ROS1: variants seen among roughly 807,000 people sequenced by gnomAD.
ROS1 encodes proto-oncogene tyrosine-protein kinase ROS.
In ROS1, 263 loss-of-function variants were observed where a neutral mutation model predicts 273.5. That is an observed-to-expected ratio of 0.96 (90% CI 0.87 to 1.06). The LOEUF is 1.06. ROS1 is among the 50% of genes least tolerant of loss of function. The pLI, the probability that ROS1 is intolerant of heterozygous loss-of-function variation, is 0.00. For synonymous variants in ROS1, 1,008 were observed against 954.1 expected (o/e 1.06, Z -1.04); for missense variants, 2,833 against 2,751.1 (o/e 1.03, Z -0.67).
At chr6:117,415,091 C>A (rs1021976157) in intron 3 of ROS1, among the ~76,000 whole-genome samples, 1 of 152,194 alleles carries the variant, frequency 6.6e-6, no homozygotes, top group Admixed American at 6.5e-5. Flanking sequence ...CAGACAGCAT[C>A]CTGCCCCAAC....
At chr6:117,335,996 A>C (rs114790094) in intron 32 of ROS1, among the ~76,000 whole-genome samples, 1 of 152,154 alleles carries the variant, frequency 6.6e-6, no homozygotes, top group African/African-American at 2.4e-5. Context: ...AAATATTCTT[A>C]TATGATTACA....
chr6:117,376,729 AAACTATAAAACACTTCTGAG>A (rs1189691446), intron 18 of ROS1, among the ~76,000 whole-genome samples: 2 of 152,174 alleles, frequency 1.3e-5, no homozygotes, highest in Non-Finnish European at 2.9e-5. Context: ...TCTACACTAA[AAACTATAAAACACTTCTGAG>A]AGAAATCAAA....
chr6:117,349,939 C>CAT (rs929934993), intron 27 of ROS1, among the ~76,000 whole-genome samples: 16 of 151,970 alleles, frequency 1.1e-4, no homozygotes, highest in Admixed American at 3.9e-4. Context: ...TAAATATACA[C>CAT]ATATATATAT....
At chr6:117,329,721 G>A (rs1409234815) in intron 32 of ROS1, among the ~76,000 whole-genome samples, 5 of 151,896 alleles carry the variant, frequency 3.3e-5, no homozygotes, top group Non-Finnish European at 7.4e-5. Flanking sequence ...GAAGAGCAGT[G>A]AGCCCACCTG....
At chr6:117,357,276 A>G (rs1779398983) in intron 25 of ROS1, among the ~76,000 whole-genome samples, 1 of 152,164 alleles carries the variant, frequency 6.6e-6, no homozygotes, top group Non-Finnish European at 1.5e-5. Flanking sequence ...GCTTCTTAAT[A>G]CTAGTTAATG....
In ROS1 at chr6:117,330,794, TCAA is replaced by T. The variant is rs199570290; in HGVS notation, c.5231-1351_5231-1349del. Among the ~76,000 whole-genome samples the T allele has an allele frequency of 5.4e-3, 825 of 151,916 alleles. 7 individuals carry two copies. Among genetic ancestry groups the T allele is most frequent in the African/African-American group, 0.018 (762 of 41,398 alleles). ...GAAAGTGACAACAACAGCATCATCA[TCAA>T]CAACAACAACAAGGGCCCCCACAAA... is the stretch of plus-strand genomic sequence containing the variant. On this transcript the variant is annotated intron_variant, in intron 32 of 43. Coordinates refer to ENST00000368507, the MANE Select transcript of ROS1 (RefSeq NM_001378902.1).
intron 41 of ROS1, 126 bp from the exon 42 acceptor site, chr6:117,309,054 A>G (rs1775333729): frequency 1.2e-6 from 1 of 835,108 alleles, no homozygotes; most frequent in Admixed American, 2.8e-5. Flanking sequence ...TTGGCCTCAT[A>G]AAAGGCAAAC....
chr6:117,421,126 G>A lies in ROS1; in HGVS notation c.124-2620C>T, dbSNP rs200050696. ...TCTGCAATTCTGTGGTTGCTGTGAG[G>A]TTGAATATCTATCACATGCTTTTTA... On this transcript the variant is annotated intron_variant, in intron 1 of 43. Transcript: ENST00000368507. Among the ~76,000 whole-genome samples the A allele has an allele frequency of 1.5e-4, 22 of 149,638 alleles. No individual in the cohort carries two copies. In the East Asian group the frequency reaches 4.1e-3, roughly 28 times the overall value.
chr6:117,302,526 C>T (rs768682995), intron 42 of ROS1, among the ~76,000 whole-genome samples: 12 of 152,138 alleles, frequency 7.9e-5, no homozygotes, highest in African/African-American at 2.9e-4. Context: ...ATTCTTTTGA[C>T]GCTTCCCCAC....
Position 117,389,621 on chromosome 6 carries a change from A to C in ROS1, c.1515T>G (p.Phe505Leu). The change falls in exon 13 of 44, where the codon TTT becomes TTG. Residue 505 changes from phenylalanine (F) to leucine (L), a missense_variant. Physicochemically the swap from Phe to Leu is conservative, Grantham distance 22. Transcript: ENST00000368507. ...ASHLILPRIP[F>L]ADVKSFACEN... The stretch of plus-strand genomic sequence containing the variant: ...CACAAGCAAAACTTTTCACATCAGC[A>C]AAGGGGATGCGAGGTAGGATGAGAT... 1 of 1,614,220 alleles carries C rather than the reference A, an allele frequency of 6.2e-7. No homozygotes were observed. The highest frequency in any genetic ancestry group is 8.5e-7 in the Non-Finnish European group (1 of 1,180,036).
In ROS1 at chr6:117,326,392, G is replaced by A. The variant is rs2128582297; in HGVS notation, c.5371C>T (p.Gln1791Ter). ...ATCTTCCACCTTAAATTCTGGTTCT[G>A]TAAATTATTTGAAGTGCTCTTTCTG... ...EIRKSTSNNL[Q>*]NQNLRWKMTF... Residue 1791 changes from glutamine to a stop codon, truncating the protein, a stop_gained, in exon 34 of 44, where the codon CAG becomes TAG. Coordinates refer to ENST00000368507, the MANE Select transcript of ROS1 (RefSeq NM_001378902.1). LOFTEE classifies it high-confidence loss of function. The A allele has an allele frequency of 1.3e-6, 2 of 1,552,884 alleles. No homozygotes were observed. The highest frequency in any genetic ancestry group is 1.2e-5 in the South Asian group (1 of 80,572).
chr6:117,362,263 AT>A (rs1387316877), intron 22 of ROS1, among the ~76,000 whole-genome samples: 5 of 151,986 alleles, frequency 3.3e-5, no homozygotes, highest in Non-Finnish European at 7.4e-5. Context: ...GTATACCTAA[AT>A]TATTGACAGG....
Position 117,288,821 on chromosome 6 carries a change from T to C in ROS1, c.6716-19A>G. On this transcript the variant is annotated intron_variant, in intron 43 of 43. Coordinates refer to ENST00000368507, the MANE Select transcript of ROS1 (RefSeq NM_001378902.1). ...TCTTCACCTGTGAAAAAAATATGAA[T>C]GTTATTCTAGCATGTATTTAATTAT... 5.1e-6 allele frequency: 8 copies of C among 1,557,648 alleles called. 1 individual carries two copies. Among genetic ancestry groups the C allele is most frequent in the South Asian group, 2.4e-5 (2 of 83,832 alleles).
intron 42 of ROS1, 142 bp from the exon 43 acceptor site, chr6:117,301,279 T>A: frequency 1.6e-6 from 1 of 644,810 alleles, no homozygotes; most frequent in Non-Finnish European, 2.5e-6. Context: ...AAACAAAGGC[T>A]TTGATTTCTT....
intron 18 of ROS1, among the ~76,000 whole-genome samples, chr6:117,367,507 T>C (rs1009541944): frequency 5.3e-5 from 8 of 152,204 alleles, no homozygotes; most frequent in Non-Finnish European, 7.3e-5. Context: ...TCCTTGTTCT[T>C]AAAGCAACCA....
intron 25 of ROS1, 28 bp from the exon 26 acceptor site, chr6:117,356,943 C>G: frequency 6.4e-7 from 1 of 1,568,396 alleles, no homozygotes; most frequent in Non-Finnish European, 8.7e-7. Context: ...GTCCCCCCAA[C>G]TTAATGAGTA....
chr6:117,315,640 G>A (rs747960586), intron 39 of ROS1, among the ~76,000 whole-genome samples: 3 of 151,986 alleles, frequency 2.0e-5, no homozygotes, highest in Non-Finnish European at 2.9e-5. Context: ...AATAAAGGAC[G>A]TTTTCTCAAA....
chr6:117,401,213 G>A (rs181373647), intron 7 of ROS1, among the ~76,000 whole-genome samples: 2 of 152,212 alleles, frequency 1.3e-5, no homozygotes, highest in East Asian at 3.9e-4. Context: ...AGCCTGACTT[G>A]CTTGGCCTCC....
At chr6:117,325,217 A>C (rs35134954) in intron 34 of ROS1, among the ~76,000 whole-genome samples, 2,947 of 152,248 alleles carry the variant, frequency 0.019, 62 homozygotes, top group East Asian at 0.061. Flanking sequence ...CATTTGACTA[A>C]GGAGCATCAG....
Sources: gnomAD v4.1 joint callset for allele counts (sites outside exome capture counted in the v4.1 genomes callset) on GRCh38, gnomAD v4.1.1 for gene constraint, MANE v1.5 for transcripts, NCBI Gene and HGNC (gene_info 2026-07-23, HGNC 2026-07-21) for gene names.